Variants in GRID2 observed in about 807,000 individuals in gnomAD.
GRID2 encodes glutamate receptor ionotropic, delta-2.
Under a neutral mutation model 114.8 loss-of-function variants are expected in GRID2, and 33 were observed. The ratio of observed to expected loss-of-function variants is 0.29; its 90% CI spans 0.22 to 0.38. The LOEUF (loss-of-function observed/expected upper bound fraction) is 0.38, where lower values mean the gene tolerates loss of function less well. Ranked by LOEUF, GRID2 falls within the 10% of genes least tolerant of loss-of-function variation. The probability of loss-of-function intolerance (pLI) is 1.00; values close to 1 mark genes in which losing one functional copy is unlikely to be tolerated. For missense variants in GRID2, 1,184 were observed against 1,257.7 expected, an observed-to-expected ratio of 0.94 and a Z score of 0.89; for synonymous variants, 505 against 449.9, an observed-to-expected ratio of 1.12 and a Z score of -1.55.
At chr4:93,317,411 G>A (rs1756772911) in intron 8 of GRID2, among the ~76,000 whole-genome samples, 1 of 151,516 alleles carries the variant, frequency 6.6e-6, no homozygotes. Context: ...AATTAATCCT[G>A]AACTACCAGA....
At chr4:93,321,936 A>G (rs1336819911) in intron 8 of GRID2, among the ~76,000 whole-genome samples, 1 of 151,788 alleles carries the variant, frequency 6.6e-6, no homozygotes, top group African/African-American at 2.4e-5. Flanking sequence ...CTTAAATATT[A>G]TTTTTATATA....
Position 93,607,393 on chromosome 4 carries a change from T to C in GRID2, c.2194-18876T>C, listed in dbSNP as rs139716016. Among the ~76,000 whole-genome samples the C allele has an allele frequency of 1.3e-4, 20 of 152,270 alleles. No homozygotes were observed. In the East Asian group the frequency reaches 3.7e-3, roughly 28 times the overall value. ...AGCACCTTGTATAGCTCTAGTAGAT[T>C]CATTTTAATGGTTCCATAATGTTTC... On this transcript the variant is annotated intron_variant, in intron 13 of 15. Transcript: ENST00000282020.
At chr4:93,006,206 C>T (rs995997744) in intron 2 of GRID2, among the ~76,000 whole-genome samples, 7 of 152,006 alleles carry the variant, frequency 4.6e-5, no homozygotes, top group African/African-American at 1.7e-4. Flanking sequence ...TTCAATACAA[C>T]AAATTTAAAA....
Position 92,622,748 on chromosome 4 carries a change from A to G in GRID2, c.244+32462A>G, listed in dbSNP as rs570159471. On this transcript the variant is annotated intron_variant, in intron 2 of 15. Coordinates refer to ENST00000282020, the MANE Select transcript of GRID2 (RefSeq NM_001510.4). ...CATCAAATTTTGAGTCTAAAGCATT[A>G]GCTTCATTCCTGCCTCTGACTCTTA... is the stretch of plus-strand genomic sequence containing the variant. 2.0e-3 allele frequency among the ~76,000 whole-genome samples: 308 copies of G among 151,894 alleles called. 1 individual carries two copies. The highest frequency in any genetic ancestry group is 7.0e-3 in the African/African-American group (289 of 41,530).
chr4:93,329,125 A>G (rs1222404794), intron 8 of GRID2, among the ~76,000 whole-genome samples: 1 of 152,184 alleles, frequency 6.6e-6, no homozygotes, highest in African/African-American at 2.4e-5. Context: ...CTAAGGAAGT[A>G]TGAGTTAGTT....
chr4:92,787,247 TAGAATC>T (rs1739361676), intron 2 of GRID2, among the ~76,000 whole-genome samples: 2 of 151,972 alleles, frequency 1.3e-5, no homozygotes, highest in South Asian at 4.1e-4. Flanking sequence ...TTCTAACTGA[TAGAATC>T]AGATGACCCA....
At chr4:93,017,882 CTTTT>C (rs528393000) in intron 2 of GRID2, among the ~76,000 whole-genome samples, 2 of 119,106 alleles carry the variant, frequency 1.7e-5, no homozygotes, top group Non-Finnish European at 3.6e-5. Flanking sequence ...AGACAGTAAG[CTTTT>C]TTTTTTTTTT....
intron 3 of GRID2, among the ~76,000 whole-genome samples, chr4:93,110,251 T>C (rs934830552): frequency 2.2e-4 from 33 of 152,312 alleles, no homozygotes; most frequent in African/African-American, 7.9e-4. Flanking sequence ...GATAACCTTT[T>C]GAAACTTTCT....
chr4:93,784,565 T>C (rs1205480789), intron 1 of GRID2, among the ~76,000 whole-genome samples: 3 of 151,870 alleles, frequency 2.0e-5, no homozygotes, highest in East Asian at 3.9e-4. Context: ...GGAAGTCCTA[T>C]GGAGACAGAC....
At chr4:93,598,429 G>C (rs1739330932) in intron 13 of GRID2, among the ~76,000 whole-genome samples, 1 of 151,602 alleles carries the variant, frequency 6.6e-6, no homozygotes, top group Admixed American at 6.6e-5. Context: ...TTTTTACTGT[G>C]CTAAGCACCA....
intron 1 of GRID2, among the ~76,000 whole-genome samples, chr4:92,366,246 C>T (rs1252824873): frequency 6.6e-6 from 1 of 152,020 alleles, no homozygotes; most frequent in Non-Finnish European, 1.5e-5. Flanking sequence ...TTAAATCCTC[C>T]ATGTTTCTTA....
chr4:92,956,872 T>G (rs1193906763), intron 2 of GRID2, among the ~76,000 whole-genome samples: 1 of 152,172 alleles, frequency 6.6e-6, no homozygotes, highest in Non-Finnish European at 1.5e-5. Flanking sequence ...AAATATCTAA[T>G]TGTTGTTTTA....
chr4:93,510,224 C>T (rs942579694), intron 12 of GRID2, among the ~76,000 whole-genome samples: 7 of 152,106 alleles, frequency 4.6e-5, no homozygotes, highest in Admixed American at 3.9e-4. Context: ...TGGGATTAGA[C>T]TTAAAATTCC....
chr4:93,108,778 G>C (rs1732493325), intron 3 of GRID2, among the ~76,000 whole-genome samples: 1 of 151,824 alleles, frequency 6.6e-6, no homozygotes, highest in Non-Finnish European at 1.5e-5. Context: ...CTACAGGCGT[G>C]TGCCACCACG....
chr4:92,809,214 G>A (rs1030278603), intron 2 of GRID2, among the ~76,000 whole-genome samples: 2 of 151,780 alleles, frequency 1.3e-5, no homozygotes, highest in African/African-American at 4.8e-5. Context: ...AAAAATCTTA[G>A]TTTTCATGGC....
At chr4:93,272,880 A>G (rs1213892182) in intron 8 of GRID2, among the ~76,000 whole-genome samples, 1 of 152,138 alleles carries the variant, frequency 6.6e-6, no homozygotes, top group Non-Finnish European at 1.5e-5. Context: ...ACATTGGTGC[A>G]ATCTGTAATA....
At chr4:93,363,215 TCAAA>T (rs1479862532) in intron 8 of GRID2, among the ~76,000 whole-genome samples, 2 of 152,130 alleles carry the variant, frequency 1.3e-5, no homozygotes, top group East Asian at 1.9e-4. Context: ...AGACCCTGTC[TCAAA>T]CAAACAAACA....
At chr4:92,760,314 AC>A (rs1737940820) in intron 2 of GRID2, among the ~76,000 whole-genome samples, 1 of 151,288 alleles carries the variant, frequency 6.6e-6, no homozygotes, top group Admixed American at 6.6e-5. Flanking sequence ...GTGCTGTTCC[AC>A]CCAGATCTCC....
intron 6 of GRID2, among the ~76,000 whole-genome samples, chr4:93,220,083 G>C (rs1382924939): frequency 6.6e-6 from 1 of 151,942 alleles, no homozygotes. Flanking sequence ...CCCAATTACT[G>C]AAAGGAAGGA....
Sources: gnomAD v4.1 joint callset for allele counts (sites outside exome capture counted in the v4.1 genomes callset) on GRCh38, gnomAD v4.1.1 for gene constraint, MANE v1.5 for transcripts, NCBI Gene and HGNC (gene_info 2026-07-23, HGNC 2026-07-21) for gene names.